Variants in KRTAP9-4 observed in about 807,000 individuals in gnomAD.
KRTAP9-4 encodes keratin-associated protein 9-4.
KRTAP9-4 carries 8 observed loss-of-function variants against 12.7 expected under a neutral mutation model. That is an observed-to-expected ratio of 0.63 (90% CI 0.37 to 1.14). The LOEUF (loss-of-function observed/expected upper bound fraction) is 1.14, where lower values mean the gene tolerates loss of function less well. KRTAP9-4 is among the 50% of genes most tolerant of loss of function. The probability of loss-of-function intolerance (pLI) is 0.01; values close to 1 mark genes in which losing one functional copy is unlikely to be tolerated. For synonymous variants in KRTAP9-4, 81 were observed against 67.3 expected (o/e 1.20, Z -1.00); for missense variants, 188 against 189.1 (o/e 0.99, Z 0.03).
chr17:41,250,061 C>T lies in KRTAP9-4; in HGVS notation c.341C>T (p.Pro114Leu), dbSNP rs1598049257. The T allele has an allele frequency of 1.9e-6, 3 of 1,614,004 alleles. No individual in the cohort carries two copies. Among genetic ancestry groups the T allele is most frequent in the African/African-American group, 1.3e-5 (1 of 74,906 alleles). ...TCYYPTTVCL[P>L]GCLNQSCGSN... ...TACTACCCCACAACTGTCTGCCTGC[C>T]TGGTTGCCTAAACCAGAGCTGTGGC... Residue 114 changes from proline (P) to leucine (L), a missense_variant, in exon 1 of 1, where the codon CCT (proline) becomes CTT (leucine). Pro to Leu is a moderately conservative substitution (Grantham distance 98). Transcript: ENST00000334109.
chr17:41,250,364 C>A lies in KRTAP9-4; in HGVS notation c.*179C>A, dbSNP rs373190592. 1.8e-5 allele frequency: 13 copies of A among 735,058 alleles called. No individual in the cohort carries two copies. The African/African-American group carries it at 2.2e-4, about 13-fold the overall frequency. The allele number at this position is 735,058 out of a possible 1,614,324, so 45.5% of individuals were successfully genotyped here. A position where few individuals can be genotyped will look rare whatever the true frequency, so the allele number is the denominator to read the frequency against. On this transcript the variant is annotated 3_prime_UTR_variant, in exon 1 of 1. Coordinates refer to ENST00000334109, the MANE Select transcript of KRTAP9-4 (RefSeq NM_033191.3). The stretch of plus-strand genomic sequence containing the variant: ...TTGAGGGAGGGCAGAATACTTCATC[C>A]TGATTCTCTTTTTCCTTACACTTTG...
rs2016205076 is a variant in KRTAP9-4 at position 41,250,187 on chromosome 17, C to A, written c.*2C>A. 1 of 1,614,214 alleles carries A rather than the reference C, an allele frequency of 6.2e-7. No individual in the cohort carries two copies. The highest frequency in any genetic ancestry group is 8.5e-7 in the Non-Finnish European group (1 of 1,179,984). The stretch of plus-strand genomic sequence containing the variant: ...TGCTGTCAGCCTTTTTGCTGCTGAT[C>A]AAGTCCCAAGAGAACCACCATCCTC... On this transcript the variant is annotated 3_prime_UTR_variant, in exon 1 of 1. Transcript: ENST00000334109.
Position 41,250,483 on chromosome 17 carries a change from A to AT in KRTAP9-4, c.*301dup, listed in dbSNP as rs371705282. 26 of 623,210 alleles carry AT rather than the reference A, an allele frequency of 4.2e-5. No homozygotes were observed. In the African/African-American group the frequency reaches 4.4e-4, roughly 11 times the overall value. 38.6% of individuals were successfully genotyped at this position (623,210 alleles called of 1,614,324 possible). Reference sequence around the variant, plus strand: ...GAGCTTCATTCTCTGCTTCTAAGGAATTTAGGTTTCTGCAACTGATCAATA... The same window carrying AT: ...GAGCTTCATTCTCTGCTTCTAAGGAATTTTAGGTTTCTGCAACTGATCAATA... On this transcript the variant is annotated 3_prime_UTR_variant, in exon 1 of 1. Coordinates refer to ENST00000334109, the MANE Select transcript of KRTAP9-4 (RefSeq NM_033191.3).
Position 41,250,068 on chromosome 17 carries a change from C to T in KRTAP9-4, c.348C>T (p.Cys116=). The change falls in exon 1 of 1, where the codon TGC becomes TGT. Residue 116 remains cysteine (C), a synonymous_variant. Transcript: ENST00000334109. ...YYPTTVCLPG[C]LNQSCGSNCC... ...CCACAACTGTCTGCCTGCCTGGTTG[C>T]CTAAACCAGAGCTGTGGCTCCAACT... 3 of 1,614,100 alleles carry T rather than the reference C, an allele frequency of 1.9e-6. No homozygotes were observed. Among genetic ancestry groups the T allele is most frequent in the Non-Finnish European group, 2.5e-6 (3 of 1,180,014 alleles).
chr17:41,250,140 C>T lies in KRTAP9-4; in HGVS notation c.420C>T (p.Phe140=), dbSNP rs1390814663. ...CRPACCETTC[F]QPTCVSSCCQ... ...CAGCCTGCTGTGAGACCACTTGCTT[C>T]CAGCCCACCTGTGTGTCCAGCTGCT... Residue 140 remains phenylalanine, a synonymous_variant, in exon 1 of 1, where the codon TTC becomes TTT. Coordinates refer to ENST00000334109, the MANE Select transcript of KRTAP9-4 (RefSeq NM_033191.3). 1.9e-6 allele frequency: 3 copies of T among 1,614,244 alleles called. No individual in the cohort carries two copies. The South Asian group carries it at 3.3e-5, about 18-fold the overall frequency.
In KRTAP9-4 at chr17:41,250,027, A is replaced by G; in HGVS notation, c.307A>G (p.Arg103Gly). 1 of 1,614,080 alleles carries G rather than the reference A, an allele frequency of 6.2e-7. No individual in the cohort carries two copies. Among genetic ancestry groups the G allele is most frequent in the Non-Finnish European group, 8.5e-7 (1 of 1,180,018 alleles). Residue 103 changes from arginine (R) to glycine (G), a missense_variant, in exon 1 of 1, where the codon AGA becomes GGA. Coordinates refer to ENST00000334109, the MANE Select transcript of KRTAP9-4 (RefSeq NM_033191.3). ...SSSCAPVYCRRTCYYPTTVCL... is the reference protein window; with the variant it reads ...SSSCAPVYCRGTCYYPTTVCL... ...CTCCTGTGCACCTGTGTACTGCAGA[A>G]GAACCTGCTACTACCCCACAACTGT...
Position 41,250,254 on chromosome 17 carries a change from C to A in KRTAP9-4, c.*69C>A, listed in dbSNP as rs1263535819. 3.5e-5 allele frequency: 56 copies of A among 1,591,064 alleles called. No homozygotes were observed. Among genetic ancestry groups the A allele is most frequent in the Middle Eastern group, 1.7e-4 (1 of 5,968 alleles). On this transcript the variant is annotated 3_prime_UTR_variant, in exon 1 of 1. Transcript: ENST00000334109. ...CTCAACTGACTTATCTTTTGGGGGACTAATTTAATTTGCTGCTGACAGCCA... is the reference window on the plus strand; with the variant it reads ...CTCAACTGACTTATCTTTTGGGGGAATAATTTAATTTGCTGCTGACAGCCA...
rs942578806 is a variant in KRTAP9-4 at position 41,250,142 on chromosome 17, A to T, written c.422A>T (p.Gln141Leu). 7 of 1,614,092 alleles carry T rather than the reference A, an allele frequency of 4.3e-6. No homozygotes were observed. The African/African-American group carries it at 9.3e-5, about 22-fold the overall frequency. The change falls in exon 1 of 1, where the codon CAG (glutamine) becomes CTG (leucine). Residue 141 changes from glutamine to leucine, a missense_variant. Coordinates refer to ENST00000334109, the MANE Select transcript of KRTAP9-4 (RefSeq NM_033191.3). ...GCCTGCTGTGAGACCACTTGCTTCC[A>T]GCCCACCTGTGTGTCCAGCTGCTGT... ...RPACCETTCF[Q>L]PTCVSSCCQP...
rs3967754 is a variant in KRTAP9-4, at chr17:41,250,195, A to G, written c.*10A>G. 1,049,607 of 1,600,594 alleles carry G rather than the reference A, an allele frequency of 0.66. 310,659 individuals are homozygous for G. Among genetic ancestry groups the G allele is most frequent in the South Asian group, 0.75 (67,591 of 90,386 alleles). On this transcript the variant is annotated 3_prime_UTR_variant, in exon 1 of 1. Coordinates refer to ENST00000334109, the MANE Select transcript of KRTAP9-4 (RefSeq NM_033191.3). ...GCCTTTTTGCTGCTGATCAAGTCCC[A>G]AGAGAACCACCATCCTCACACAACA...
At position 41,250,006 on chromosome 17, in the gene KRTAP9-4, T is replaced by A. The variant is rs749937652; in HGVS notation, c.286T>A (p.Cys96Ser). The A allele has an allele frequency of 2.5e-6, 4 of 1,613,968 alleles. No individual in the cohort carries two copies. The highest frequency in any genetic ancestry group is 3.4e-6 in the Non-Finnish European group (4 of 1,180,034). ...GTCCAGCTGTGACCAGAGCAGCTCC[T>A]GTGCACCTGTGTACTGCAGAAGAAC... ...CGSSCDQSSS[C>S]APVYCRRTCY... is the part of the protein sequence containing the mutation. Residue 96 changes from cysteine (C) to serine (S), a missense_variant, in exon 1 of 1, where the codon TGT becomes AGT. Physicochemically the swap from Cys to Ser is moderately radical, Grantham distance 112 (BLOSUM62 -1). Transcript: ENST00000334109.
Position 41,250,317 on chromosome 17 carries a change from G to C in KRTAP9-4, c.*132G>C. The C allele has an allele frequency of 1.0e-6, 1 of 968,998 alleles. No homozygotes were observed. 60.0% of individuals were successfully genotyped at this position (968,998 alleles called of 1,614,324 possible). ...CCAAATTTTTATGAATTCTCTACCT[G>C]TTTAAAATCTTGGGAATCTACTTGA... On this transcript the variant is annotated 3_prime_UTR_variant, in exon 1 of 1. Transcript: ENST00000334109.
In KRTAP9-4 at chr17:41,250,467, TC is replaced by T. The variant is rs1398751034; in HGVS notation, c.*283del. ...TTGACTCAAAAGTCAAGAGCTTCAT[TC>T]TCTGCTTCTAAGGAATTTAGGTTTC... On this transcript the variant is annotated 3_prime_UTR_variant, in exon 1 of 1. Coordinates refer to ENST00000334109, the MANE Select transcript of KRTAP9-4 (RefSeq NM_033191.3). 4 of 634,758 alleles carry T rather than the reference TC, an allele frequency of 6.3e-6. No individual in the cohort carries two copies. The allele number at this position is 634,758 out of a possible 1,614,324, so 39.3% of individuals were successfully genotyped here.
Position 41,250,072 on chromosome 17 carries a change from A to C in KRTAP9-4, c.352A>C (p.Asn118His), listed in dbSNP as rs749956147. Residue 118 changes from asparagine to histidine, a missense_variant, in exon 1 of 1, where the codon AAC becomes CAC. Coordinates refer to ENST00000334109, the MANE Select transcript of KRTAP9-4 (RefSeq NM_033191.3). ...PTTVCLPGCL[N>H]QSCGSNCCQP... ...AACTGTCTGCCTGCCTGGTTGCCTA[A>C]ACCAGAGCTGTGGCTCCAACTGCTG... is the stretch of plus-strand genomic sequence containing the variant. 12 of 1,610,052 alleles carry C rather than the reference A, an allele frequency of 7.5e-6. No individual in the cohort carries two copies. In the East Asian group the frequency reaches 2.7e-4, roughly 36 times the overall value.
chr17:41,250,065 T>C lies in KRTAP9-4; in HGVS notation c.345T>C (p.Gly115=). The C allele has an allele frequency of 6.2e-7, 1 of 1,610,046 alleles. No homozygotes were observed. Among genetic ancestry groups the C allele is most frequent in the Non-Finnish European group, 8.5e-7 (1 of 1,178,962 alleles). Residue 115 remains glycine, a synonymous_variant, in exon 1 of 1, where the codon GGT becomes GGC. Transcript: ENST00000334109. ...ACCCCACAACTGTCTGCCTGCCTGG[T>C]TGCCTAAACCAGAGCTGTGGCTCCA... ...CYYPTTVCLP[G]CLNQSCGSNC...
Position 41,249,737 on chromosome 17 carries a change from C to A in KRTAP9-4, c.17C>A (p.Ser6Tyr). Residue 6 changes from serine (S) to tyrosine (Y), a missense_variant, in exon 1 of 1, where the codon TCC (serine) becomes TAC (tyrosine). By Grantham distance (144) the Ser-to-Tyr change is moderately radical. Transcript: ENST00000334109. MTHCC[S>Y]PCCQPTCCRT... is the part of the protein sequence containing the mutation. Reference sequence around the variant, plus strand: ...CCTGACACCATGACCCACTGTTGCTCCCCTTGCTGTCAGCCTACATGCTGC... The same window carrying A: ...CCTGACACCATGACCCACTGTTGCTACCCTTGCTGTCAGCCTACATGCTGC... The A allele has an allele frequency of 6.2e-7, 1 of 1,611,568 alleles. No homozygotes were observed. The highest frequency in any genetic ancestry group is 8.5e-7 in the Non-Finnish European group (1 of 1,179,572).
In KRTAP9-4 at chr17:41,250,311, C is replaced by T. The variant is rs1047093268; in HGVS notation, c.*126C>T. 2.8e-6 allele frequency: 3 copies of T among 1,062,554 alleles called. No individual in the cohort carries two copies. The highest frequency in any genetic ancestry group is 4.2e-6 in the Non-Finnish European group (3 of 715,662). The allele number at this position is 1,062,554 out of a possible 1,614,324, so 65.8% of individuals were successfully genotyped here. ...TCTCACCCAAATTTTTATGAATTCT[C>T]TACCTGTTTAAAATCTTGGGAATCT... On this transcript the variant is annotated 3_prime_UTR_variant, in exon 1 of 1. Coordinates refer to ENST00000334109, the MANE Select transcript of KRTAP9-4 (RefSeq NM_033191.3).
rs2016211647 is a variant in KRTAP9-4 at position 41,250,440 on chromosome 17, C to CT, written c.*258dup. ...TCTCAATTTTGAGTCATGGTCTCAG[C>CT]TTTGACTCAAAAGTCAAGAGCTTCA... is the stretch of plus-strand genomic sequence containing the variant. On this transcript the variant is annotated 3_prime_UTR_variant, in exon 1 of 1. Coordinates refer to ENST00000334109, the MANE Select transcript of KRTAP9-4 (RefSeq NM_033191.3). 3 of 661,830 alleles carry CT rather than the reference C, an allele frequency of 4.5e-6. No homozygotes were observed. In the South Asian group the frequency reaches 6.2e-5, roughly 14 times the overall value. The allele number at this position is 661,830 out of a possible 1,614,324, so 41.0% of individuals were successfully genotyped here.
Position 41,250,337 on chromosome 17 carries a change from A to C in KRTAP9-4, c.*152A>C. 1 of 878,542 alleles carries C rather than the reference A, an allele frequency of 1.1e-6. No individual in the cohort carries two copies. The highest frequency in any genetic ancestry group is 1.8e-6 in the Non-Finnish European group (1 of 557,230). The allele number at this position is 878,542 out of a possible 1,614,324, so 54.4% of individuals were successfully genotyped here. A position where few individuals can be genotyped will look rare whatever the true frequency, so the allele number is the denominator to read the frequency against. On this transcript the variant is annotated 3_prime_UTR_variant, in exon 1 of 1. Coordinates refer to ENST00000334109, the MANE Select transcript of KRTAP9-4 (RefSeq NM_033191.3). ...TACCTGTTTAAAATCTTGGGAATCT[A>C]CTTGAGGGAGGGCAGAATACTTCAT...
Position 41,249,856 on chromosome 17 carries a change from AGCTGCTGCCAGCCTT to A in KRTAP9-4, c.142_156del (p.Cys48_Cys52del). On this transcript the variant is annotated inframe_deletion, in exon 1 of 1. Coordinates refer to ENST00000334109, the MANE Select transcript of KRTAP9-4 (RefSeq NM_033191.3). ...CTGCCAGCCCTCCTGCTGTGTTTCCAGCTGCTGCCAGCCTTGCTGCCGCCCAACTTGCTGTCAAAA... is the reference window on the plus strand; with the variant it reads ...CTGCCAGCCCTCCTGCTGTGTTTCCAGCTGCCGCCCAACTTGCTGTCAAAA... 1 of 1,540,976 alleles carries A rather than the reference AGCTGCTGCCAGCCTT, an allele frequency of 6.5e-7. No individual in the cohort carries two copies.
Sources: gnomAD v4.1 joint callset for allele counts on GRCh38, gnomAD v4.1.1 for gene constraint, MANE v1.5 for transcripts, NCBI Gene and HGNC (gene_info 2026-07-23, HGNC 2026-07-21) for gene names.